SRSF4: variants seen among roughly 807,000 people sequenced by gnomAD.
SRSF4 encodes serine and arginine rich splicing factor 4.
A neutral mutation model predicts 48.8 loss-of-function variants in SRSF4; 12 were observed. That is an observed-to-expected ratio of 0.25 (90% CI 0.16 to 0.40). The LOEUF is 0.40. Ranked by LOEUF, SRSF4 falls within the 10% of genes least tolerant of loss-of-function variation. The pLI is 1.00. For synonymous variants in SRSF4, 248 were observed against 232.5 expected (o/e 1.07, Z -0.61); for missense variants, 466 against 667.1 (o/e 0.70, Z 3.32).
At chr1:29,168,427 A>T (rs1672699449) in intron 1 of SRSF4, 1 of 152,086 alleles carries the variant, frequency 6.6e-6, no homozygotes, top group Non-Finnish European at 1.5e-5. Flanking sequence ...TGATACTCTA[A>T]CATCAGATAA....
At chr1:29,149,660 G>A (rs1198762880) in intron 5 of SRSF4, among the ~76,000 whole-genome samples, 3 of 144,614 alleles carry the variant, frequency 2.1e-5, no homozygotes, top group South Asian at 4.3e-4. Flanking sequence ...CAGATTGGGC[G>A]ACAGAGCGAG....
chr1:29,177,893 A>ATTTTTTTTTTTTTTTTTTTTTTTTTTTTT (rs397979781), intron 1 of SRSF4, among the ~76,000 whole-genome samples: 1 of 93,636 alleles, frequency 1.1e-5, no homozygotes, highest in Non-Finnish European at 2.0e-5. Flanking sequence ...ATTACACAAG[A>ATTTTTTTTTTTTTTTTTTTTTTTTTTTTT]TTTTTTTTTT....
chr1:29,172,650 T>C (rs1316257522), intron 1 of SRSF4: 1 of 152,218 alleles, frequency 6.6e-6, no homozygotes, highest in Non-Finnish European at 1.5e-5. Flanking sequence ...GGCATGCTCA[T>C]ACACTGCGGG....
Position 29,181,848 on chromosome 1 carries a change from G to A in SRSF4, c.-96C>T, listed in dbSNP as rs1176360486. 9 of 1,062,374 alleles carry A rather than the reference G, an allele frequency of 8.5e-6. No individual in the cohort carries two copies. The highest frequency in any genetic ancestry group is 1.1e-5 in the Non-Finnish European group (9 of 805,328). The allele number at this position is 1,062,374 out of a possible 1,614,324, so 65.8% of individuals were successfully genotyped here. On this transcript the variant is annotated 5_prime_UTR_variant, in exon 1 of 6. Transcript: ENST00000373795. The stretch of plus-strand genomic sequence containing the variant: ...CGGCGGCAGCGGCGGCGGCGGCAAC[G>A]GGCGGGCGGCGGGACGGACGCAGCC...
At chr1:29,160,279 T>G (rs1419750787) in intron 2 of SRSF4, 96 bp downstream of exon 2, 2 of 1,356,826 alleles carry the variant, frequency 1.5e-6, no homozygotes, top group African/African-American at 1.5e-5. Context: ...AGCTTAAACA[T>G]CAATACGTTT....
chr1:29,176,489 T>TAA (rs63562760), intron 1 of SRSF4, among the ~76,000 whole-genome samples: 4 of 137,558 alleles, frequency 2.9e-5, no homozygotes, highest in South Asian at 2.3e-4. Flanking sequence ...CTAAAAACTT[T>TAA]AAAAAAAAAA....
rs561838138 is a variant in SRSF4, at chr1:29,160,220, G to A, written c.250+155C>T. On this transcript the variant is annotated intron_variant, in intron 2 of 5. Coordinates refer to ENST00000373795, the MANE Select transcript of SRSF4 (RefSeq NM_005626.5). ...TAATTAAAATTAAACATTATCAAAG[G>A]CTTATTTGTAATTCTACATTTTTAA... The A allele has an allele frequency of 6.0e-6, 5 of 833,016 alleles. No homozygotes were observed. The South Asian group carries it at 1.3e-4, about 21-fold the overall frequency. 51.6% of individuals were successfully genotyped at this position (833,016 alleles called of 1,614,324 possible). A position where few individuals can be genotyped will look rare whatever the true frequency, so the allele number is the denominator to read the frequency against.
rs777746638 is a variant in SRSF4 at position 29,148,919 on chromosome 1, T to G, written c.976A>C (p.Ser326Arg). 6.2e-7 allele frequency: 1 copy of G among 1,611,314 alleles called. No individual in the cohort carries two copies. Among genetic ancestry groups the G allele is most frequent in the South Asian group, 1.1e-5 (1 of 90,976 alleles). The change falls in exon 6 of 6, where the codon AGC (serine) becomes CGC (arginine). Residue 326 changes from serine to arginine, a missense_variant. Transcript: ENST00000373795. ...CTCCGGCTCCGACTCTGGCGGAGGC[T>G]CTTCTCCTGGCTCCTGCCCCTGCTC... ...SVSRGRSQEKSLRQSRSRSRS... is the reference protein window; with the variant it reads ...SVSRGRSQEKRLRQSRSRSRS...
chr1:29,156,165 G>T (rs1477532242), intron 3 of SRSF4, among the ~76,000 whole-genome samples: 1 of 152,096 alleles, frequency 6.6e-6, no homozygotes. Flanking sequence ...GACCAGCCTG[G>T]CAACTTTGTG....
chr1:29,157,230 T>C (rs1024323075), intron 3 of SRSF4, among the ~76,000 whole-genome samples: 1 of 152,116 alleles, frequency 6.6e-6, no homozygotes, highest in Non-Finnish European at 1.5e-5. Context: ...AGAGGCCTCT[T>C]GTGGCTTTGC....
intron 1 of SRSF4, among the ~76,000 whole-genome samples, chr1:29,178,747 T>C (rs183312231): frequency 1.9e-3 from 292 of 152,336 alleles, no homozygotes; most frequent in Non-Finnish European, 3.6e-3. Flanking sequence ...TAAGCTTACA[T>C]ACGTAGCTAA....
chr1:29,149,688 GAA>G lies in SRSF4; in HGVS notation c.668+413_668+414del, dbSNP rs35111206. ...AGAGCGAGACTCTGTCTTGAGGGGG[GAA>G]AAAAAAAAAAAAAAAGAAAAAGAAG... On this transcript the variant is annotated intron_variant, in intron 5 of 5. Transcript: ENST00000373795. Among the ~76,000 whole-genome samples, 147 of 100,904 alleles carry G rather than the reference GAA, an allele frequency of 1.5e-3. 1 individual carries two copies. The Middle Eastern group carries it at 0.027, about 19-fold the overall frequency. 66.2% of individuals were successfully genotyped at this position (100,904 alleles called of 152,430 possible). A position where few individuals can be genotyped will look rare whatever the true frequency, so the allele number is the denominator to read the frequency against.
Position 29,148,100 on chromosome 1 carries a change from T to C in SRSF4, c.*310A>G, listed in dbSNP as rs1558384900. The C allele has an allele frequency of 1.9e-6, 1 of 539,862 alleles. No homozygotes were observed. The allele number at this position is 539,862 out of a possible 1,614,324, so 33.4% of individuals were successfully genotyped here. ...CCTACCTATGTGGTCATTCCAGCCT[T>C]AGAGCCGTCCAGGTTACTGAGCTCC... On this transcript the variant is annotated 3_prime_UTR_variant, in exon 6 of 6. Transcript: ENST00000373795.
At chr1:29,154,347 C>T (rs1272825839) in intron 4 of SRSF4, 4 of 197,870 alleles carry the variant, frequency 2.0e-5, no homozygotes, top group African/African-American at 2.4e-5. Flanking sequence ...TACAGACATG[C>T]GCCACAGCGC....
chr1:29,163,619 A>C (rs1336759641), intron 1 of SRSF4, among the ~76,000 whole-genome samples: 3 of 152,254 alleles, frequency 2.0e-5, no homozygotes, highest in African/African-American at 7.2e-5. Flanking sequence ...AGATAATAAA[A>C]ATAAAATGTT....
intron 3 of SRSF4, 28 bp from the exon 4 acceptor site, chr1:29,154,938 T>C: frequency 6.3e-7 from 1 of 1,586,860 alleles, no homozygotes; most frequent in Non-Finnish European, 8.6e-7. Context: ...TGTGACTACA[T>C]TAGGATATGT....
In SRSF4 at chr1:29,148,706, C is replaced by CCTT. The variant is rs745995774; in HGVS notation, c.1186_1188dup (p.Lys396dup). 16 of 1,613,316 alleles carry CCTT rather than the reference C, an allele frequency of 9.9e-6. No homozygotes were observed. The highest frequency in any genetic ancestry group is 1.7e-5 in the Admixed American group (1 of 59,938). On this transcript the variant is annotated inframe_insertion, in exon 6 of 6. Coordinates refer to ENST00000373795, the MANE Select transcript of SRSF4 (RefSeq NM_005626.5). ...CTGGACTGGGAGCGGTCAGTGTCTT[C>CCTT]CTTCTTCTTCTTCTTGCTGCTGCCC...
chr1:29,157,773 G>A (rs988214909), intron 3 of SRSF4, among the ~76,000 whole-genome samples: 1 of 152,170 alleles, frequency 6.6e-6, no homozygotes, highest in Non-Finnish European at 1.5e-5. Context: ...AAAGCGAGAA[G>A]GGAGACAGAA....
intron 1 of SRSF4, among the ~76,000 whole-genome samples, chr1:29,176,300 G>A (rs1672852438): frequency 6.6e-6 from 1 of 151,904 alleles, no homozygotes; most frequent in African/African-American, 2.4e-5. Flanking sequence ...AGGTGGTAGG[G>A]TTCCTAAAGG....
Sources: gnomAD v4.1 joint callset for allele counts (sites outside exome capture counted in the v4.1 genomes callset) on GRCh38, gnomAD v4.1.1 for gene constraint, MANE v1.5 for transcripts, NCBI Gene and HGNC (gene_info 2026-07-23, HGNC 2026-07-21) for gene names.